Variants in GFOD1 observed in about 807,000 individuals in gnomAD.
The protein encoded by GFOD1 is glucose-fructose oxidoreductase domain-containing protein 1.
In GFOD1, 9 loss-of-function variants were observed where a neutral mutation model predicts 25.4. The observed-to-expected ratio is 0.35, with a 90% CI of 0.21 to 0.62. The LOEUF is 0.62. Among genes scored for constraint, GFOD1 ranks in the 20% least tolerant of loss-of-function variants. The pLI is 0.72. For synonymous variants in GFOD1, 253 were observed against 245.6 expected (o/e 1.03, Z -0.28); for missense variants, 403 against 556.9 (o/e 0.72, Z 2.78).
chr6:13,447,289 G>A (rs1431635768), intron 1 of GFOD1, among the ~76,000 whole-genome samples: 1 of 152,130 alleles, frequency 6.6e-6, no homozygotes, highest in Non-Finnish European at 1.5e-5. Context: ...GCATTCCTTG[G>A]CTGGTAGATG....
At chr6:13,404,395 A>G (rs1257724794) in intron 1 of GFOD1, among the ~76,000 whole-genome samples, 2 of 152,232 alleles carry the variant, frequency 1.3e-5, no homozygotes, top group East Asian at 1.9e-4. Flanking sequence ...ACTTCTTTTA[A>G]GGATCAAATG....
intron 1 of GFOD1, among the ~76,000 whole-genome samples, chr6:13,413,056 C>A (rs1786105599): frequency 1.3e-5 from 2 of 152,202 alleles, no homozygotes; most frequent in African/African-American, 4.8e-5. Context: ...CATGGCCCAC[C>A]CTCTTGGCTC....
intron 1 of GFOD1, among the ~76,000 whole-genome samples, chr6:13,387,077 C>A (rs524118): frequency 0.34 from 51,577 of 152,052 alleles, 10,402 homozygotes; most frequent in Non-Finnish European, 0.45. Context: ...GTTTTTGAAG[C>A]AATTTTAAAC....
chr6:13,373,741 A>AAC (rs10530031), intron 1 of GFOD1, among the ~76,000 whole-genome samples: 15,914 of 129,346 alleles, frequency 0.12, 1,347 homozygotes, highest in African/African-American at 0.25. Context: ...CTGCTCCCCC[A>AAC]ACACACACAC....
intron 1 of GFOD1, among the ~76,000 whole-genome samples, chr6:13,431,270 T>C (rs572156623): frequency 6.6e-6 from 1 of 152,284 alleles, no homozygotes; most frequent in East Asian, 1.9e-4. Flanking sequence ...GCAAGTAAGA[T>C]TATTATTATT....
Position 13,361,664 on chromosome 6 carries a change from C to T in GFOD1, c.*3079G>A, listed in dbSNP as rs561875552. ...TGGTGGGATAAGGGCAAATGGAGCA[C>T]TAAAGGAGTATCTCAAACCCATTTG... On this transcript the variant is annotated 3_prime_UTR_variant, in exon 2 of 2. Coordinates refer to ENST00000379287, the MANE Select transcript of GFOD1 (RefSeq NM_018988.4). 2.0e-5 allele frequency: 3 copies of T among 152,124 alleles called. No individual in the cohort carries two copies. The highest frequency in any genetic ancestry group is 4.4e-5 in the Non-Finnish European group (3 of 68,032). 9.4% of individuals were successfully genotyped at this position (152,124 alleles called of 1,614,324 possible). A position where few individuals can be genotyped will look rare whatever the true frequency, so the allele number is the denominator to read the frequency against.
chr6:13,461,507 C>A (rs918277555), intron 1 of GFOD1, among the ~76,000 whole-genome samples: 1 of 152,170 alleles, frequency 6.6e-6, no homozygotes, highest in Admixed American at 6.5e-5. Flanking sequence ...TGGCTGAGCC[C>A]AAGCTGCCGG....
intron 1 of GFOD1, among the ~76,000 whole-genome samples, chr6:13,461,608 C>T (rs1758291461): frequency 2.0e-5 from 3 of 152,180 alleles, no homozygotes; most frequent in South Asian, 4.1e-4. Flanking sequence ...GCCCGGTCAC[C>T]TCTGTGGCTG....
At chr6:13,425,425 T>C (rs1786335007) in intron 1 of GFOD1, among the ~76,000 whole-genome samples, 1 of 152,072 alleles carries the variant, frequency 6.6e-6, no homozygotes. Flanking sequence ...GCCCCAGGTG[T>C]CCTGTGTTCT....
intron 1 of GFOD1, among the ~76,000 whole-genome samples, chr6:13,382,954 A>G (rs1584616732): frequency 6.6e-6 from 1 of 152,300 alleles, no homozygotes; most frequent in Non-Finnish European, 1.5e-5. Flanking sequence ...TTTGCTGAGG[A>G]TAATGGCTTC....
At chr6:13,463,884 T>C (rs921352873) in intron 1 of GFOD1, among the ~76,000 whole-genome samples, 5 of 152,164 alleles carry the variant, frequency 3.3e-5, no homozygotes, top group African/African-American at 9.7e-5. Flanking sequence ...TTGAGGTCAG[T>C]GAAATCATGG....
intron 1 of GFOD1, among the ~76,000 whole-genome samples, chr6:13,473,077 G>A (rs1470224541): frequency 6.6e-6 from 1 of 152,214 alleles, no homozygotes; most frequent in Non-Finnish European, 1.5e-5. Flanking sequence ...CACAAATCCA[G>A]AGTTTGTAGC....
intron 1 of GFOD1, among the ~76,000 whole-genome samples, chr6:13,472,223 T>C (rs1043155686): frequency 6.6e-6 from 1 of 152,148 alleles, no homozygotes; most frequent in African/African-American, 2.4e-5. Context: ...ACAATTCAAG[T>C]TGAGATTTTA....
At chr6:13,383,247 T>C (rs1166409108) in intron 1 of GFOD1, among the ~76,000 whole-genome samples, 1 of 152,256 alleles carries the variant, frequency 6.6e-6, no homozygotes, top group Non-Finnish European at 1.5e-5. Context: ...TCAAATCTTG[T>C]ATTTTCCACA....
chr6:13,433,004 A>G (rs961712504), intron 1 of GFOD1, among the ~76,000 whole-genome samples: 4 of 152,192 alleles, frequency 2.6e-5, no homozygotes, highest in African/African-American at 9.7e-5. Flanking sequence ...AATTAGAAAC[A>G]TCCAACATTT....
rs1758889214 is a variant in GFOD1 at position 13,487,045 on chromosome 6, G to C, written c.-155C>G. On this transcript the variant is annotated 5_prime_UTR_variant, in exon 1 of 2. Coordinates refer to ENST00000379287, the MANE Select transcript of GFOD1 (RefSeq NM_018988.4). The surrounding 1 kb of genome is among the most constrained non-coding windows in gnomAD (Gnocchi z 4.9). ...ACCGGGCAAGGCGCCCGGGTGCCCA[G>C]AGCGCACCGAGCTGCAGGCGGAGCA... 3 of 840,012 alleles carry C rather than the reference G, an allele frequency of 3.6e-6. No individual in the cohort carries two copies. The highest frequency in any genetic ancestry group is 3.6e-5 in the South Asian group (2 of 56,168). The allele number at this position is 840,012 out of a possible 1,614,324, so 52.0% of individuals were successfully genotyped here. A position where few individuals can be genotyped will look rare whatever the true frequency, so the allele number is the denominator to read the frequency against.
chr6:13,399,937 T>C (rs1008630131), intron 1 of GFOD1, among the ~76,000 whole-genome samples: 1 of 152,256 alleles, frequency 6.6e-6, no homozygotes, highest in African/African-American at 2.4e-5. Flanking sequence ...AAGGGTGATC[T>C]GATGTCTCTG....
intron 1 of GFOD1, among the ~76,000 whole-genome samples, chr6:13,403,974 G>A (rs1401424461): frequency 6.6e-6 from 1 of 152,190 alleles, no homozygotes; most frequent in East Asian, 1.9e-4. Flanking sequence ...TGAATACATG[G>A]CATTTTTGGC....
intron 1 of GFOD1, among the ~76,000 whole-genome samples, chr6:13,418,340 G>A (rs200334442): frequency 4.6e-5 from 7 of 152,168 alleles, no homozygotes; most frequent in Admixed American, 6.5e-5. Flanking sequence ...ATTACCCTCC[G>A]GAGCTGCAAA....
Sources: gnomAD v4.1 joint callset for allele counts (sites outside exome capture counted in the v4.1 genomes callset) on GRCh38, gnomAD v4.1.1 for gene constraint, Gnocchi (gnomAD v3.1) non-coding constraint, MANE v1.5 for transcripts, NCBI Gene and HGNC (gene_info 2026-07-23, HGNC 2026-07-21) for gene names.